Variants in TRIM55 observed in about 807,000 individuals in gnomAD.
The protein encoded by TRIM55 is tripartite motif-containing protein 55.
A neutral mutation model predicts 60.9 loss-of-function variants in TRIM55; 50 were observed. The ratio of observed to expected loss-of-function variants is 0.82; its 90% confidence interval spans 0.65 to 1.04. The LOEUF is 1.04. Ranked by LOEUF, TRIM55 falls within the 50% of genes least tolerant of loss-of-function variation. The probability of loss-of-function intolerance (pLI) is 0.00; values close to 1 mark genes in which losing one functional copy is unlikely to be tolerated. For synonymous variants in TRIM55, 237 were observed against 238.1 expected (o/e 1.00, Z 0.04); for missense variants, 681 against 666.9 (o/e 1.02, Z -0.23).
At chr8:66,169,112 C>T (rs1049625635) in intron 9 of TRIM55, among the ~76,000 whole-genome samples, 1 of 152,168 alleles carries the variant, frequency 6.6e-6, no homozygotes, top group African/African-American at 2.4e-5. Context: ...AATAAGCTCA[C>T]TCTTCTACTT....
At chr8:66,147,903 A>G (rs1024081048) in intron 4 of TRIM55, among the ~76,000 whole-genome samples, 4 of 151,996 alleles carry the variant, frequency 2.6e-5, no homozygotes, top group African/African-American at 9.7e-5. Context: ...TCTACCCTCA[A>G]AAAAAATATA....
At chr8:66,150,161 C>T in intron 5 of TRIM55, 56 bp from the exon 6 acceptor site, 2 of 1,581,932 alleles carry the variant, frequency 1.3e-6, no homozygotes, top group Non-Finnish European at 1.7e-6. Context: ...AATTGTCTTA[C>T]CACTGTCTTT....
upstream of TRIM55, among the ~76,000 whole-genome samples, chr8:66,125,715 C>T (rs148271296): frequency 5.1e-4 from 78 of 152,238 alleles, no homozygotes; most frequent in East Asian, 0.014. Flanking sequence ...CTCTAAAGAT[C>T]CCTGATATGC....
At chr8:66,163,020 T>C (rs1258477697) in intron 9 of TRIM55, among the ~76,000 whole-genome samples, 1 of 152,194 alleles carries the variant, frequency 6.6e-6, no homozygotes, top group Non-Finnish European at 1.5e-5. Context: ...ATTACCTTAA[T>C]ACTTTTGTAG....
chr8:66,164,254 A>G (rs1811202000), intron 9 of TRIM55, among the ~76,000 whole-genome samples: 1 of 152,188 alleles, frequency 6.6e-6, no homozygotes, highest in African/African-American at 2.4e-5. Flanking sequence ...CTTCAGCCAC[A>G]AGCACGGCCA....
intron 2 of TRIM55, among the ~76,000 whole-genome samples, chr8:66,131,223 T>G (rs1012195004): frequency 6.6e-6 from 1 of 152,152 alleles, no homozygotes; most frequent in African/African-American, 2.4e-5. Context: ...GCTACCCTAT[T>G]AAAGCTTTTA....
rs764246377 is a variant in TRIM55, at chr8:66,127,321, A to G, written c.53A>G (p.Asp18Gly). The G allele has an allele frequency of 4.3e-6, 7 of 1,614,224 alleles. No individual in the cohort carries two copies. Among genetic ancestry groups the G allele is most frequent in the Middle Eastern group, 1.6e-4 (1 of 6,062 alleles). Residue 18 changes from aspartate to glycine, a missense_variant, in exon 1 of 10, where the codon GAT (aspartate) becomes GGT (glycine). Asp to Gly is a moderately conservative substitution (Grantham distance 94). Transcript: ENST00000315962. The stretch of plus-strand genomic sequence containing the variant: ...TTTTCCAAAGAGCAGCAGACCATGG[A>G]TAACTTAGAGAAGCAACTCATCTGT... ...KSFSKEQQTM[D>G]NLEKQLICPI...
intron 2 of TRIM55, among the ~76,000 whole-genome samples, chr8:66,128,803 C>T (rs1808977114): frequency 6.6e-6 from 1 of 152,144 alleles, no homozygotes; most frequent in African/African-American, 2.4e-5. Flanking sequence ...ACATTTTGCA[C>T]TTCACAGGCA....
chr8:66,168,864 C>T (rs1284880034), intron 9 of TRIM55, among the ~76,000 whole-genome samples: 1 of 152,232 alleles, frequency 6.6e-6, no homozygotes, highest in Non-Finnish European at 1.5e-5. Flanking sequence ...AAAGTATTAT[C>T]TGGCAGGGGC....
chr8:66,167,453 T>G (rs1266668549), intron 9 of TRIM55, among the ~76,000 whole-genome samples: 1 of 152,108 alleles, frequency 6.6e-6, no homozygotes, highest in Non-Finnish European at 1.5e-5. Flanking sequence ...GGCAGCAAGT[T>G]TTTGCCAGGC....
intron 9 of TRIM55, among the ~76,000 whole-genome samples, chr8:66,172,250 G>C (rs1811683596): frequency 6.6e-6 from 1 of 152,202 alleles, no homozygotes; most frequent in Non-Finnish European, 1.5e-5. Context: ...ACTTGTCCAA[G>C]TCATACAGCT....
chr8:66,154,210 G>A lies in TRIM55; in HGVS notation c.1400G>A (p.Gly467Glu). 6.2e-7 allele frequency: 1 copy of A among 1,614,024 alleles called. No individual in the cohort carries two copies. Among genetic ancestry groups the A allele is most frequent in the Non-Finnish European group, 8.5e-7 (1 of 1,179,990 alleles). The part of the protein sequence containing the change: ...PPCTPGSEGL[G>E]QIGPPGSEDS... ...TGCACCCCAGGGAGCGAAGGTCTGG[G>A]GCAAATAGGGCCTCCAGGTTCTGAG... Residue 467 changes from glycine to glutamate, a missense_variant, in exon 9 of 10, where the codon GGG (glycine) becomes GAG (glutamate). By Grantham distance (98) the Gly-to-Glu change is moderately conservative. Coordinates refer to ENST00000315962, the MANE Select transcript of TRIM55 (RefSeq NM_184085.2).
chr8:66,120,952 A>G, the TRIM55 span, among the ~76,000 whole-genome samples: 1 of 152,228 alleles, frequency 6.6e-6, no homozygotes. Flanking sequence ...AGGACAGACC[A>G]TGCCCTTTAC....
chr8:66,170,769 C>T (rs1213819729), intron 9 of TRIM55, among the ~76,000 whole-genome samples: 1 of 152,154 alleles, frequency 6.6e-6, no homozygotes, highest in African/African-American at 2.4e-5. Context: ...AACAGAGTTA[C>T]CATAAAATCC....
At chr8:66,137,046 GT>G in intron 3 of TRIM55, 48 bp from the exon 4 acceptor site, 1 of 1,495,754 alleles carries the variant, frequency 6.7e-7, no homozygotes. Context: ...CACAGTCGGG[GT>G]GGCTAGGAAA....
At chr8:66,153,337 T>C (rs917824906) in intron 8 of TRIM55, among the ~76,000 whole-genome samples, 1 of 152,218 alleles carries the variant, frequency 6.6e-6, no homozygotes, top group Non-Finnish European at 1.5e-5. Context: ...ATGTTTCTAA[T>C]ACGTCACCGT....
At chr8:66,166,244 AT>A (rs1480613179) in intron 9 of TRIM55, among the ~76,000 whole-genome samples, 1 of 152,202 alleles carries the variant, frequency 6.6e-6, no homozygotes, top group Admixed American at 6.5e-5. Flanking sequence ...TATAATGTAA[AT>A]TGTGTGTGAG....
intron 9 of TRIM55, among the ~76,000 whole-genome samples, chr8:66,157,771 C>A (rs756786586): frequency 6.6e-6 from 1 of 152,136 alleles, no homozygotes; most frequent in African/African-American, 2.4e-5. Flanking sequence ...AACATGCCCT[C>A]GATTTTACTG....
upstream of TRIM55, among the ~76,000 whole-genome samples, chr8:66,123,474 G>A (rs1305735849): frequency 6.6e-6 from 1 of 152,040 alleles, no homozygotes; most frequent in Non-Finnish European, 1.5e-5. Context: ...TCTTACTCCT[G>A]TGGGATTCAT....
Sources: gnomAD v4.1 joint callset for allele counts (sites outside exome capture counted in the v4.1 genomes callset) on GRCh38, gnomAD v4.1.1 for gene constraint, MANE v1.5 for transcripts, NCBI Gene and HGNC (gene_info 2026-07-23, HGNC 2026-07-21) for gene names.